The following BICD1 variants were observed in gnomAD, a reference collection of about 807,000 sequenced individuals.
BICD1 encodes BICD cargo adaptor 1, also known as protein bicaudal D homolog 1.
A neutral mutation model predicts 92.5 loss-of-function variants in BICD1; 35 were observed. The ratio of observed to expected loss-of-function variants is 0.38; its 90% CI spans 0.29 to 0.50. BICD1 has a LOEUF of 0.50. Ranked by LOEUF, BICD1 falls within the 20% of genes least tolerant of loss-of-function variation. The pLI, the probability that BICD1 is intolerant of heterozygous loss-of-function variation, is 0.93. For synonymous variants in BICD1, 429 were observed against 465.1 expected (o/e 0.92, Z 1.00); for missense variants, 950 against 1,189.8 (o/e 0.80, Z 2.97).
At chr12:32,256,535 G>C (rs1030637503) in intron 2 of BICD1, among the ~76,000 whole-genome samples, 1 of 152,164 alleles carries the variant, frequency 6.6e-6, no homozygotes, top group Admixed American at 6.5e-5. Flanking sequence ...AGGTTTTAAA[G>C]CCAGAAAGAT....
chr12:32,305,761 G>A lies in BICD1; in HGVS notation c.644G>A (p.Ser215Asn). 1.2e-6 allele frequency: 2 copies of A among 1,614,164 alleles called. No individual in the cohort carries two copies. The highest frequency in any genetic ancestry group is 1.7e-6 in the Non-Finnish European group (2 of 1,180,028). ...RFEEETVLLN[S>N]QLEDAIRLKE... Reference sequence around the variant, plus strand: ...GAGGAGGAGACGGTACTGCTGAACAGCCAGCTGGAAGATGCCATCCGATTG... The same window carrying A: ...GAGGAGGAGACGGTACTGCTGAACAACCAGCTGGAAGATGCCATCCGATTG... Residue 215 changes from serine to asparagine, a missense_variant, in exon 4 of 10, where the codon AGC (serine) becomes AAC (asparagine). Around this residue, in one of 5 missense-constraint regions of BICD1, gnomAD observed 246 missense variants for 258.4 expected, o/e 0.95. Coordinates refer to ENST00000652176, the MANE Select transcript of BICD1 (RefSeq NM_001714.4).
chr12:32,265,538 G>A (rs1390465693), intron 2 of BICD1, among the ~76,000 whole-genome samples: 28 of 124,070 alleles, frequency 2.3e-4, no homozygotes, highest in African/African-American at 6.3e-4. Context: ...GTGAGACCCC[G>A]TTTCTACAGA....
intron 2 of BICD1, among the ~76,000 whole-genome samples, chr12:32,247,708 T>G (rs1188853562): frequency 6.6e-6 from 1 of 151,984 alleles, no homozygotes; most frequent in South Asian, 2.1e-4. Context: ...GCAGGAAAAT[T>G]GGTTGAACTG....
chr12:32,381,016 TA>T lies in BICD1; in HGVS notation c.*3391del, dbSNP rs1940157545. On this transcript the variant is annotated 3_prime_UTR_variant, in exon 10 of 10. Transcript: ENST00000652176. ...AAATTGAATATCATTGGTGGTCTAG[TA>T]AGTATTAAGTGGCAAGATAGGAGAA... 6.6e-6 allele frequency: 1 copy of T among 152,060 alleles called. No individual in the cohort carries two copies. The highest frequency in any genetic ancestry group is 2.1e-4 in the South Asian group (1 of 4,826). 9.4% of individuals were successfully genotyped at this position (152,060 alleles called of 1,614,324 possible). A position where few individuals can be genotyped will look rare whatever the true frequency, so the allele number is the denominator to read the frequency against.
intron 1 of BICD1, among the ~76,000 whole-genome samples, chr12:32,114,540 C>G (rs1434101722): frequency 6.6e-6 from 1 of 152,090 alleles, no homozygotes; most frequent in Non-Finnish European, 1.5e-5. Flanking sequence ...ACCGCCATGC[C>G]TGACTAATTT....
At position 32,337,736 on chromosome 12, in the gene BICD1, C is replaced by T. The variant is rs2136280923; in HGVS notation, c.2490C>T (p.Pro830=). Residue 830 remains proline (P), a synonymous_variant, in exon 7 of 10, where the codon CCC becomes CCT. Coordinates refer to ENST00000652176, the MANE Select transcript of BICD1 (RefSeq NM_001714.4). The surrounding 1 kb of genome is among the most constrained non-coding windows in gnomAD (Gnocchi z 4.7). The stretch of plus-strand genomic sequence containing the variant: ...GTGGGGAGGCATCAGTCACCGTGCC[C>T]ACCATAGACACTTACCTCCTGCATA... ...KVSGEASVTV[P]TIDTYLLHSQ... 1 of 1,614,150 alleles carries T rather than the reference C, an allele frequency of 6.2e-7. No individual in the cohort carries two copies. The highest frequency in any genetic ancestry group is 8.5e-7 in the Non-Finnish European group (1 of 1,180,026).
intron 1 of BICD1, among the ~76,000 whole-genome samples, chr12:32,141,700 C>T (rs1942926084): frequency 6.6e-6 from 1 of 152,144 alleles, no homozygotes. Context: ...TCTCAAACCC[C>T]TAACCTTAAA....
intron 1 of BICD1, among the ~76,000 whole-genome samples, chr12:32,132,309 A>G (rs1942573778): frequency 1.3e-5 from 2 of 151,538 alleles, no homozygotes; most frequent in Non-Finnish European, 2.9e-5. Context: ...CCAGCTACTC[A>G]GGAGGCTGAG....
chr12:32,324,149 C>T (rs1370762429), intron 4 of BICD1, among the ~76,000 whole-genome samples: 1 of 152,020 alleles, frequency 6.6e-6, no homozygotes, highest in African/African-American at 2.4e-5. Context: ...CAGGCTGAAA[C>T]CCCATTTCTA....
At position 32,169,036 on chromosome 12, in the gene BICD1, G is replaced by A. The variant is rs143046074; in HGVS notation, c.214-47211G>A. Among the ~76,000 whole-genome samples, 94 of 152,274 alleles carry A rather than the reference G, an allele frequency of 6.2e-4. 2 individuals are homozygous for A. In the East Asian group the frequency reaches 0.014, roughly 23 times the overall value. ...GCTTTGTGCCCATCTGTTGTGAGGA[G>A]ATGGGACAGCCTTGCCCCTGCATGG... On this transcript the variant is annotated intron_variant, in intron 1 of 9. Transcript: ENST00000652176.
rs748648126 is a variant in BICD1 at position 32,107,706 on chromosome 12, T to C, written c.213+162T>C. ...AAGATTGAAAGAGTCCATTGTTTCC[T>C]CCCCCAAGAGAAAAATTGCCTAAGA... On this transcript the variant is annotated intron_variant, in intron 1 of 9. Coordinates refer to ENST00000652176, the MANE Select transcript of BICD1 (RefSeq NM_001714.4). 3.5e-6 allele frequency: 3 copies of C among 864,678 alleles called. No homozygotes were observed. The South Asian group carries it at 4.2e-5, about 12-fold the overall frequency. The allele number at this position is 864,678 out of a possible 1,614,324, so 53.6% of individuals were successfully genotyped here.
intron 2 of BICD1, among the ~76,000 whole-genome samples, chr12:32,229,299 G>A (rs1945798680): frequency 6.6e-6 from 1 of 152,064 alleles, no homozygotes; most frequent in Admixed American, 6.5e-5. Flanking sequence ...GTAGATAGAT[G>A]CTATGTAAGG....
chr12:32,123,426 G>T (rs1942223516), intron 1 of BICD1, among the ~76,000 whole-genome samples: 2 of 152,194 alleles, frequency 1.3e-5, no homozygotes, highest in Non-Finnish European at 1.5e-5. Flanking sequence ...ATTCAAGCAC[G>T]ACTAAGACCC....
In BICD1 at chr12:32,337,521, T is replaced by C; in HGVS notation, c.2275T>C (p.Leu759=). Residue 759 remains leucine, a synonymous_variant, in exon 7 of 10, where the codon TTG becomes CTG. Coordinates refer to ENST00000652176, the MANE Select transcript of BICD1 (RefSeq NM_001714.4). This position sits in a 1 kb window ranked among gnomAD's most constrained non-coding sequence, Gnocchi z 4.7. ...ATRCDEYVTQ[L]DEMQRQLAAA... ...CAGATGTGATGAATATGTCACCCAGTTGGATGAGATGCAGAGACAGTTAGC... is the reference window on the plus strand; with the variant it reads ...CAGATGTGATGAATATGTCACCCAGCTGGATGAGATGCAGAGACAGTTAGC... 6.2e-7 allele frequency: 1 copy of C among 1,611,620 alleles called. No homozygotes were observed. The highest frequency in any genetic ancestry group is 1.3e-5 in the African/African-American group (1 of 74,974).
intron 1 of BICD1, among the ~76,000 whole-genome samples, chr12:32,176,720 C>T (rs1234756582): frequency 1.3e-5 from 2 of 152,156 alleles, no homozygotes; most frequent in African/African-American, 2.4e-5. Context: ...CGAGTTTCAT[C>T]AGTGTTATTG....
At chr12:32,108,068 T>G (rs1685512265) in intron 1 of BICD1, 1 of 263,118 alleles carries the variant, frequency 3.8e-6, no homozygotes, top group African/African-American at 2.2e-5. Context: ...TTCATTCTGC[T>G]TGGCTTTAGT....
At chr12:32,234,377 C>G (rs1945995518) in intron 2 of BICD1, among the ~76,000 whole-genome samples, 1 of 151,884 alleles carries the variant, frequency 6.6e-6, no homozygotes, top group South Asian at 2.1e-4. Flanking sequence ...GCGGGCAGAT[C>G]ACCGGAGGTC....
Position 32,327,467 on chromosome 12 carries a change from C to A in BICD1, c.1012C>A (p.Arg338=). The change falls in exon 5 of 10, where the codon CGG becomes AGG. Residue 338 remains arginine (R), a synonymous_variant. Transcript: ENST00000652176. ...CTTTCTTTTGCCATTGCAGGTAGAG[C>A]GGGAAAAGGCCATTCTTTTGGCCAA... ...KLKQQLMQVE[R]EKAILLANLQ... The A allele has an allele frequency of 6.3e-7, 1 of 1,594,392 alleles. No homozygotes were observed. Among genetic ancestry groups the A allele is most frequent in the Non-Finnish European group, 8.6e-7 (1 of 1,168,262 alleles).
chr12:32,263,316 AG>A (rs1267495639), intron 2 of BICD1, among the ~76,000 whole-genome samples: 1 of 152,154 alleles, frequency 6.6e-6, no homozygotes, highest in Non-Finnish European at 1.5e-5. Context: ...TGGGAGGCCG[AG>A]GCGGGTGGAT....
Sources: allele counts gnomAD v4.1 joint callset (sites outside exome capture counted in the v4.1 genomes callset), GRCh38; gene constraint gnomAD v4.1.1; regional missense constraint gnomAD v4.1.1; non-coding constraint Gnocchi (gnomAD v3.1); transcripts MANE v1.5; gene names NCBI Gene and HGNC (gene_info 2026-07-23, HGNC 2026-07-21).